Variants in TSPAN9 observed in about 807,000 individuals in gnomAD.
TSPAN9 encodes the protein tetraspanin 9.
A neutral mutation model predicts 31.0 loss-of-function variants in TSPAN9; 16 were observed. The observed-to-expected ratio is 0.52, with a 90% CI of 0.35 to 0.78. The LOEUF is 0.78. TSPAN9 is among the 30% of genes least tolerant of loss of function. The probability of loss-of-function intolerance (pLI) is 0.01; values close to 1 mark genes in which losing one functional copy is unlikely to be tolerated. For synonymous variants in TSPAN9, 145 were observed against 121.6 expected (o/e 1.19, Z -1.27); for missense variants, 272 against 312.5 (o/e 0.87, Z 0.98).
intron 3 of TSPAN9, among the ~76,000 whole-genome samples, chr12:3,201,485 G>A (rs1180796652): frequency 6.6e-6 from 1 of 152,090 alleles, no homozygotes; most frequent in Non-Finnish European, 1.5e-5. Context: ...CTTCAGGAGA[G>A]ACTTGCTCTA....
chr12:3,242,956 G>T (rs1000454100), intron 3 of TSPAN9, among the ~76,000 whole-genome samples: 3 of 152,240 alleles, frequency 2.0e-5, no homozygotes, highest in Admixed American at 2.0e-4. Context: ...GGACCCTGTG[G>T]CAGGGCATCC....
chr12:3,144,257 C>T (rs11062527), intron 2 of TSPAN9, among the ~76,000 whole-genome samples: 7,154 of 152,140 alleles, frequency 0.047, 195 homozygotes, highest in East Asian at 0.14. Flanking sequence ...CCTGCCACCA[C>T]GCCCGGCTAA....
At position 3,236,679 on chromosome 12, in the gene TSPAN9, G is replaced by A. The variant is rs375330376; in HGVS notation, c.63+35423G>A. 1.7e-4 allele frequency among the ~76,000 whole-genome samples: 26 copies of A among 152,352 alleles called. No homozygotes were observed. In the East Asian group the frequency reaches 2.9e-3, roughly 17 times the overall value. On this transcript the variant is annotated intron_variant, in intron 3 of 8. Coordinates refer to ENST00000011898, the MANE Select transcript of TSPAN9 (RefSeq NM_006675.5). ...GCGGGGGTAGAGAAGAGACGAGTAAGCCTGGGTCTGTGCTTCCCAGCCTTT... is the reference window on the plus strand; with the variant it reads ...GCGGGGGTAGAGAAGAGACGAGTAAACCTGGGTCTGTGCTTCCCAGCCTTT...
chr12:3,208,571 C>A (rs888997628), intron 3 of TSPAN9, among the ~76,000 whole-genome samples: 3 of 152,236 alleles, frequency 2.0e-5, no homozygotes, highest in African/African-American at 7.2e-5. Context: ...TTCCACTGGG[C>A]AGCTTGGCTT....
At chr12:3,210,284 G>A (rs543003604) in intron 3 of TSPAN9, among the ~76,000 whole-genome samples, 2 of 152,172 alleles carry the variant, frequency 1.3e-5, no homozygotes, top group Non-Finnish European at 2.9e-5. Flanking sequence ...ATGCCAGATT[G>A]TTTTCCAGTG....
intron 3 of TSPAN9, among the ~76,000 whole-genome samples, chr12:3,243,756 T>G (rs913674648): frequency 1.3e-5 from 2 of 152,100 alleles, no homozygotes; most frequent in African/African-American, 2.4e-5. Flanking sequence ...TAGGCCCCAT[T>G]GATTTTCTGT....
intron 3 of TSPAN9, among the ~76,000 whole-genome samples, chr12:3,237,855 A>T (rs2098394611): frequency 6.6e-6 from 1 of 152,168 alleles, no homozygotes; most frequent in Admixed American, 6.5e-5. Context: ...CATTGCCACC[A>T]CCATCTGCAG....
At chr12:3,111,681 T>C (rs1183308316) in intron 2 of TSPAN9, among the ~76,000 whole-genome samples, 1 of 151,744 alleles carries the variant, frequency 6.6e-6, no homozygotes, top group Non-Finnish European at 1.5e-5. Flanking sequence ...TGGTGCGATC[T>C]TGGCTTACTG....
chr12:3,197,584 C>T (rs900187762), intron 2 of TSPAN9, among the ~76,000 whole-genome samples: 1 of 152,018 alleles, frequency 6.6e-6, no homozygotes, highest in Non-Finnish European at 1.5e-5. Flanking sequence ...GAGAGCTCCA[C>T]TCAGAATGGG....
intron 2 of TSPAN9, among the ~76,000 whole-genome samples, chr12:3,181,301 A>C (rs1278279530): frequency 6.6e-6 from 1 of 152,186 alleles, no homozygotes; most frequent in African/African-American, 2.4e-5. Context: ...GTAGATCATC[A>C]ACTGTGTGTG....
At chr12:3,132,848 C>T (rs961379788) in intron 2 of TSPAN9, among the ~76,000 whole-genome samples, 5 of 152,064 alleles carry the variant, frequency 3.3e-5, no homozygotes, top group East Asian at 1.9e-4. Context: ...CCCCACCGCC[C>T]GCCTGTCAGG....
At chr12:3,198,707 G>C (rs1419340450) in intron 2 of TSPAN9, among the ~76,000 whole-genome samples, 1 of 18,224 alleles carries the variant, frequency 5.5e-5, no homozygotes, top group Non-Finnish European at 1.2e-4. Context: ...ACCAGCACAG[G>C]CCACCACCAG....
chr12:3,269,367 T>C (rs1284000122), intron 3 of TSPAN9, among the ~76,000 whole-genome samples: 3 of 69,782 alleles, frequency 4.3e-5, no homozygotes, highest in African/African-American at 1.1e-4. Flanking sequence ...GCCCTCCCTG[T>C]GTTCCTGCAG....
chr12:3,085,376 A>G (rs1019133089), intron 2 of TSPAN9, among the ~76,000 whole-genome samples: 3 of 151,152 alleles, frequency 2.0e-5, no homozygotes, highest in Non-Finnish European at 4.4e-5. Context: ...GGAGACACAG[A>G]TAGCCCCTGA....
intron 1 of TSPAN9, among the ~76,000 whole-genome samples, chr12:3,080,933 G>A (rs1292040451): frequency 1.3e-5 from 2 of 152,166 alleles, no homozygotes; most frequent in Admixed American, 6.5e-5. Context: ...ACCTGGGGTG[G>A]CTGGAGGGAG....
chr12:3,168,669 A>G lies in TSPAN9; in HGVS notation c.-17-32508A>G, dbSNP rs1382532218. ...GGATGTCTCAAGAGCAGTTACAGGC[A>G]TTGGGAAAAAATTGAGCTCTGGATG... On this transcript the variant is annotated intron_variant, in intron 2 of 8. Transcript: ENST00000011898. This position sits in a 1 kb window ranked among gnomAD's most constrained non-coding sequence, Gnocchi z 4.0. Among the ~76,000 whole-genome samples, 1 of 152,236 alleles carries G rather than the reference A, an allele frequency of 6.6e-6. No homozygotes were observed. The highest frequency in any genetic ancestry group is 1.9e-4 in the East Asian group (1 of 5,198).
intron 1 of TSPAN9, among the ~76,000 whole-genome samples, chr12:3,081,808 T>TTGTG (rs985080707): frequency 8.6e-5 from 5 of 58,462 alleles, no homozygotes; most frequent in African/African-American, 2.5e-4. Flanking sequence ...ATCTAAAAAA[T>TTGTG]TGTGTGTGTG....
chr12:3,128,264 G>A (rs1172630834), intron 2 of TSPAN9, among the ~76,000 whole-genome samples: 1 of 152,148 alleles, frequency 6.6e-6, no homozygotes, highest in Non-Finnish European at 1.5e-5. Flanking sequence ...CATAGATCCA[G>A]GGCCCTGACC....
intron 3 of TSPAN9, among the ~76,000 whole-genome samples, chr12:3,246,778 GC>G (rs66538323): frequency 6.6e-6 from 1 of 152,144 alleles, no homozygotes. Flanking sequence ...TCTGAATACC[GC>G]CCCACCATCC....
Sources: allele counts gnomAD v4.1 joint callset (sites outside exome capture counted in the v4.1 genomes callset), GRCh38; gene constraint gnomAD v4.1.1; non-coding constraint Gnocchi (gnomAD v3.1); transcripts MANE v1.5; gene names NCBI Gene and HGNC (gene_info 2026-07-23, HGNC 2026-07-21).